STK38: variants seen among roughly 807,000 people sequenced by gnomAD.
STK38 encodes serine/threonine-protein kinase 38.
A neutral mutation model predicts 59.0 loss-of-function variants in STK38; 26 were observed. That is an observed-to-expected ratio of 0.44 (90% CI 0.32 to 0.61). STK38 has a LOEUF of 0.61. STK38 is among the 20% of genes least tolerant of loss of function. The probability of loss-of-function intolerance (pLI) is 0.04; values close to 1 mark genes in which losing one functional copy is unlikely to be tolerated. For synonymous variants in STK38, 175 were observed against 176.6 expected (o/e 0.99, Z 0.07); for missense variants, 433 against 566.0 (o/e 0.76, Z 2.38).
At position 36,497,838 on chromosome 6, in the gene STK38, C is replaced by T; in HGVS notation, c.1114G>A (p.Gly372Arg). ...CEWEHRIGAP[G>R]VEEIKSNSFF... The stretch of plus-strand genomic sequence containing the variant: ...GAGTTACTTTTTATTTCCTCAACTC[C>T]AGGAGCTCCAATTCTATGTTCCCAT... Residue 372 changes from glycine to arginine, a missense_variant, in exon 12 of 14, where the codon GGA becomes AGA. Around this residue, in one of 3 missense-constraint regions of STK38, gnomAD observed 136 missense variants for 156.7 expected, o/e 0.87. Transcript: ENST00000229812. The T allele has an allele frequency of 6.2e-7, 1 of 1,613,916 alleles. No homozygotes were observed. Among genetic ancestry groups the T allele is most frequent in the Non-Finnish European group, 8.5e-7 (1 of 1,179,986 alleles).
At chr6:36,510,312 C>T (rs12110954) in intron 7 of STK38, among the ~76,000 whole-genome samples, 36,990 of 152,170 alleles carry the variant, frequency 0.24, 4,807 homozygotes, top group East Asian at 0.39. Context: ...GTGTCAGCAC[C>T]GCCCCAAGTG....
chr6:36,536,131 G>A (rs949735725), intron 2 of STK38, among the ~76,000 whole-genome samples: 1 of 152,100 alleles, frequency 6.6e-6, no homozygotes, highest in Non-Finnish European at 1.5e-5. Context: ...GCCCAGAAAT[G>A]AATTCACACC....
intron 1 of STK38, among the ~76,000 whole-genome samples, chr6:36,544,513 A>G (rs1778014164): frequency 6.6e-6 from 1 of 152,212 alleles, no homozygotes; most frequent in South Asian, 2.1e-4. Flanking sequence ...AGAGTTTTGT[A>G]CTTCCTTGTC....
chr6:36,508,815 A>G (rs619011), intron 7 of STK38, among the ~76,000 whole-genome samples: 66,951 of 152,208 alleles, frequency 0.44, 16,558 homozygotes, highest in African/African-American at 0.65. Flanking sequence ...GCACACAGCC[A>G]GGCAGAGCAG....
In STK38 at chr6:36,517,797, T is replaced by A; in HGVS notation, c.434A>T (p.Asp145Val). 1 of 1,614,188 alleles carries A rather than the reference T, an allele frequency of 6.2e-7. No individual in the cohort carries two copies. The highest frequency in any genetic ancestry group is 1.1e-5 in the South Asian group (1 of 91,084). Residue 145 changes from aspartate to valine, a missense_variant, in exon 6 of 14, where the codon GAC becomes GTC. Asp to Val is a radical substitution (Grantham distance 152). Transcript: ENST00000229812. ...GAACATTTTCACAACCCACAAACTG[T>A]CTGCCTCCACTAGAATGTCACGCTC... ...RAERDILVEA[D>V]SLWVVKMFYS...
chr6:36,523,510 T>C (rs1305119970), intron 4 of STK38, among the ~76,000 whole-genome samples: 2 of 149,630 alleles, frequency 1.3e-5, no homozygotes, highest in Admixed American at 6.7e-5. Flanking sequence ...TCCGCCCGCC[T>C]TGGCCTCCCA....
rs561037394 is a variant in STK38 at position 36,511,509 on chromosome 6, C to A, written c.669+3829G>T. 2.6e-5 allele frequency among the ~76,000 whole-genome samples: 4 copies of A among 152,054 alleles called. No homozygotes were observed. The East Asian group carries it at 7.8e-4, about 30-fold the overall frequency. ...TAGCTGGGATTACAGGTGCCCGCCACCACATCTGGCTAATTTTTTTGTGTT... is the reference window on the plus strand; with the variant it reads ...TAGCTGGGATTACAGGTGCCCGCCAACACATCTGGCTAATTTTTTTGTGTT... On this transcript the variant is annotated intron_variant, in intron 7 of 13. Coordinates refer to ENST00000229812, the MANE Select transcript of STK38 (RefSeq NM_007271.4).
At chr6:36,514,311 C>CAAAA (rs56658213) in intron 7 of STK38, among the ~76,000 whole-genome samples, 1 of 121,116 alleles carries the variant, frequency 8.3e-6, no homozygotes. Context: ...GAGACCGTCT[C>CAAAA]AAAAAAAAAA....
chr6:36,544,412 C>A (rs1159242542), intron 1 of STK38, among the ~76,000 whole-genome samples: 1 of 151,980 alleles, frequency 6.6e-6, no homozygotes, highest in Non-Finnish European at 1.5e-5. Flanking sequence ...CTGTACCCCC[C>A]CCTCCACCCA....
At chr6:36,515,583 A>G (rs1777231464) in intron 6 of STK38, 91 bp from the exon 7 acceptor site, 2 of 1,580,614 alleles carry the variant, frequency 1.3e-6, no homozygotes, top group Admixed American at 1.9e-5. Context: ...CAATTTTCAG[A>G]TATGTCTTCC....
rs1242372494 is a variant in STK38, at chr6:36,526,231, T to C, written c.132-589A>G. Among the ~76,000 whole-genome samples the C allele has an allele frequency of 7.3e-5, 11 of 151,710 alleles. No individual in the cohort carries two copies. In the East Asian group the frequency reaches 2.1e-3, roughly 29 times the overall value. ...TCTTGGTTTTGGGTGTTTTTTTTTT[T>C]TTTTTTTTCCAGTTATTTCCTCCTT... is the stretch of plus-strand genomic sequence containing the variant. On this transcript the variant is annotated intron_variant, in intron 2 of 13. Transcript: ENST00000229812.
At chr6:36,504,572 A>G (rs2267932) in intron 9 of STK38, among the ~76,000 whole-genome samples, 36,055 of 152,072 alleles carry the variant, frequency 0.24, 4,502 homozygotes, top group East Asian at 0.39. Flanking sequence ...GATAATATGA[A>G]GATGACCTTA....
chr6:36,536,244 T>C (rs1157604964), intron 2 of STK38, among the ~76,000 whole-genome samples: 1 of 152,154 alleles, frequency 6.6e-6, no homozygotes, highest in Admixed American at 6.5e-5. Context: ...AGGATAAAAA[T>C]CAATCTGAAC....
intron 2 of STK38, among the ~76,000 whole-genome samples, chr6:36,534,302 A>G (rs1777735619): frequency 1.3e-5 from 2 of 152,142 alleles, no homozygotes; most frequent in Non-Finnish European, 2.9e-5. Flanking sequence ...AATAATAATA[A>G]AAAGAAAAAA....
At position 36,527,207 on chromosome 6, in the gene STK38, A is replaced by ATATATATATATATATAT. The variant is rs1554168828; in HGVS notation, c.132-1566_132-1565insATATATATATATATATA. On this transcript the variant is annotated intron_variant, in intron 2 of 13. Coordinates refer to ENST00000229812, the MANE Select transcript of STK38 (RefSeq NM_007271.4). Reference sequence around the variant, plus strand: ...ACTCCGTCTCAAAAAAAAAAAAAAAAATATATGTATATATATATATATTTA... The same window carrying ATATATATATATATATAT: ...ACTCCGTCTCAAAAAAAAAAAAAAAATATATATATATATATATATATATGTATATATATATATATTTA... 2.8e-4 allele frequency among the ~76,000 whole-genome samples: 34 copies of ATATATATATATATATAT among 119,330 alleles called. 1 individual carries two copies. The highest frequency in any genetic ancestry group is 2.5e-3 in the Admixed American group (24 of 9,700). 78.3% of individuals were successfully genotyped at this position (119,330 alleles called of 152,430 possible). A position where few individuals can be genotyped will look rare whatever the true frequency, so the allele number is the denominator to read the frequency against.
chr6:36,543,607 C>T (rs1387981407), intron 1 of STK38, among the ~76,000 whole-genome samples: 1 of 152,006 alleles, frequency 6.6e-6, no homozygotes, highest in African/African-American at 2.4e-5. Context: ...CTACCCCCCA[C>T]AGCTGCAGCA....
At chr6:36,526,593 T>C (rs1224127818) in intron 2 of STK38, among the ~76,000 whole-genome samples, 1 of 151,924 alleles carries the variant, frequency 6.6e-6, no homozygotes. Context: ...ACCCCATCTC[T>C]ACTAAAAATA....
chr6:36,500,434 G>A (rs565177134), intron 9 of STK38, among the ~76,000 whole-genome samples: 4 of 151,944 alleles, frequency 2.6e-5, no homozygotes, highest in East Asian at 1.9e-4. Context: ...GCCTGAGACC[G>A]CAGAACTAGT....
intron 9 of STK38, 94 bp from the exon 10 acceptor site, chr6:36,500,084 G>C (rs1776800937): frequency 1.1e-6 from 1 of 919,716 alleles, no homozygotes; most frequent in East Asian, 2.4e-5. Flanking sequence ...AACATCAGAA[G>C]CTACCCCCAA....
Sources: allele counts gnomAD v4.1 joint callset (sites outside exome capture counted in the v4.1 genomes callset), GRCh38; gene constraint gnomAD v4.1.1; regional missense constraint gnomAD v4.1.1; transcripts MANE v1.5; gene names NCBI Gene and HGNC (gene_info 2026-07-23, HGNC 2026-07-21).